Variants in SORCS3 observed in about 807,000 individuals in gnomAD.
SORCS3 encodes the protein sortilin related VPS10 domain containing receptor 3, also known as VPS10 domain-containing receptor SorCS3.
Under a neutral mutation model 146.3 loss-of-function variants are expected in SORCS3, and 57 were observed. The observed-to-expected ratio is 0.39, with a 90% CI of 0.31 to 0.49. SORCS3 has a LOEUF of 0.49. SORCS3 is among the 20% of genes least tolerant of loss of function. The pLI is 0.92. For synonymous variants in SORCS3, 653 were observed against 618.5 expected (o/e 1.06, Z -0.83); for missense variants, 1,341 against 1,575.5 (o/e 0.85, Z 2.52).
chr10:104,790,590 T>G (rs535359920), intron 1 of SORCS3, among the ~76,000 whole-genome samples: 2 of 152,346 alleles, frequency 1.3e-5, no homozygotes, highest in Non-Finnish European at 2.9e-5. Flanking sequence ...TCTGTTGCAT[T>G]GTTTGTCTCT....
intron 3 of SORCS3, among the ~76,000 whole-genome samples, chr10:104,965,488 C>G (rs1211064808): frequency 6.6e-6 from 1 of 152,206 alleles, no homozygotes; most frequent in Non-Finnish European, 1.5e-5. Flanking sequence ...ATTTGTTGAA[C>G]CACCATACTG....
intron 1 of SORCS3, among the ~76,000 whole-genome samples, chr10:104,720,907 T>G (rs542157708): frequency 6.6e-6 from 1 of 152,288 alleles, no homozygotes; most frequent in African/African-American, 2.4e-5. Context: ...TTGCAAAAAT[T>G]TTCTCCCACT....
At chr10:105,259,255 C>T (rs193187245) in intron 25 of SORCS3, among the ~76,000 whole-genome samples, 17 of 152,328 alleles carry the variant, frequency 1.1e-4, no homozygotes, top group Non-Finnish European at 2.1e-4. Flanking sequence ...ACAGCAACAC[C>T]TGGCCATTAA....
intron 4 of SORCS3, among the ~76,000 whole-genome samples, chr10:105,024,549 G>A (rs189301218): frequency 7.0e-4 from 106 of 152,280 alleles, no homozygotes; most frequent in Non-Finnish European, 1.4e-3. Context: ...TGGAGAAGAG[G>A]AGATCAGATC....
chr10:104,944,295 T>G (rs2019348075), intron 3 of SORCS3, among the ~76,000 whole-genome samples: 1 of 152,222 alleles, frequency 6.6e-6, no homozygotes, highest in Admixed American at 6.5e-5. Flanking sequence ...TCTTCATGAC[T>G]TCTGTATGGG....
chr10:105,006,900 T>C (rs1209947710), intron 4 of SORCS3, among the ~76,000 whole-genome samples: 1 of 152,242 alleles, frequency 6.6e-6, no homozygotes, highest in Admixed American at 6.5e-5. Flanking sequence ...TTCAGCATGT[T>C]AATTCTTATC....
chr10:104,642,831 A>G (rs1357908046), intron 1 of SORCS3, among the ~76,000 whole-genome samples: 1 of 152,142 alleles, frequency 6.6e-6, no homozygotes, highest in Admixed American at 6.5e-5. Flanking sequence ...TCTCCTGGAC[A>G]AGGATGTACC....
chr10:104,722,560 C>A (rs1006083277), intron 1 of SORCS3, among the ~76,000 whole-genome samples: 12 of 152,162 alleles, frequency 7.9e-5, no homozygotes, highest in Non-Finnish European at 5.9e-5. Flanking sequence ...ATGGTACCAG[C>A]CCCTCCTTGT....
chr10:105,006,633 T>C (rs769083811), intron 4 of SORCS3, among the ~76,000 whole-genome samples: 22 of 152,168 alleles, frequency 1.4e-4, no homozygotes, highest in Non-Finnish European at 3.1e-4. Flanking sequence ...CCATTGCCAC[T>C]TCTCTGGCCT....
intron 1 of SORCS3, among the ~76,000 whole-genome samples, chr10:104,841,369 C>T (rs1481454109): frequency 1.3e-5 from 2 of 152,094 alleles, no homozygotes; most frequent in African/African-American, 4.8e-5. Context: ...TTGATTTGTG[C>T]TGTGGTAGGT....
chr10:105,216,349 A>C (rs1444202121), intron 18 of SORCS3, among the ~76,000 whole-genome samples: 2 of 152,106 alleles, frequency 1.3e-5, no homozygotes, highest in Non-Finnish European at 2.9e-5. Flanking sequence ...CATAGCAAAT[A>C]CTCAAAATAG....
At chr10:104,863,874 A>C (rs2018432349) in intron 2 of SORCS3, among the ~76,000 whole-genome samples, 1 of 152,214 alleles carries the variant, frequency 6.6e-6, no homozygotes, top group South Asian at 2.1e-4. Flanking sequence ...CCAGCAGATG[A>C]CTGAGAATGG....
intron 24 of SORCS3, 37 bp from the exon 25 acceptor site, chr10:105,256,782 A>G (rs772252799): frequency 2.0e-6 from 3 of 1,509,624 alleles, no homozygotes; most frequent in Admixed American, 3.4e-5. Context: ...CCAAGTGAGC[A>G]TATCTGTTCT....
At chr10:105,205,797 T>A (rs1171530820) in intron 16 of SORCS3, among the ~76,000 whole-genome samples, 1 of 152,218 alleles carries the variant, frequency 6.6e-6, no homozygotes, top group African/African-American at 2.4e-5. Context: ...ATTATCTTAA[T>A]CTTCTCAATG....
At chr10:104,933,955 T>G (rs1027176584) in intron 3 of SORCS3, among the ~76,000 whole-genome samples, 4 of 152,118 alleles carry the variant, frequency 2.6e-5, no homozygotes, top group African/African-American at 9.7e-5. Flanking sequence ...CCACCATGCC[T>G]GGCTAATTTT....
At chr10:105,044,746 T>C (rs1356570501) in intron 5 of SORCS3, among the ~76,000 whole-genome samples, 2 of 151,622 alleles carry the variant, frequency 1.3e-5, no homozygotes, top group African/African-American at 4.8e-5. Context: ...TTCGGAGTAG[T>C]TGTGAGAGAA....
chr10:105,168,070 G>T (rs1208672351), intron 13 of SORCS3, among the ~76,000 whole-genome samples: 1 of 152,000 alleles, frequency 6.6e-6, no homozygotes, highest in Non-Finnish European at 1.5e-5. Context: ...AGTCAGTTAT[G>T]GAATAAAAAA....
At chr10:104,655,863 C>G (rs959896233) in intron 1 of SORCS3, among the ~76,000 whole-genome samples, 4 of 152,152 alleles carry the variant, frequency 2.6e-5, no homozygotes, top group Admixed American at 6.5e-5. Flanking sequence ...CTGAGGTCTC[C>G]CCAGAAGCAG....
intron 2 of SORCS3, among the ~76,000 whole-genome samples, chr10:104,910,513 C>T (rs930847218): frequency 6.6e-6 from 1 of 152,116 alleles, no homozygotes; most frequent in South Asian, 2.1e-4. Flanking sequence ...GAATGAATGA[C>T]CACTAGGTAT....
Sources: gnomAD v4.1 joint callset for allele counts (sites outside exome capture counted in the v4.1 genomes callset) on GRCh38, gnomAD v4.1.1 for gene constraint, MANE v1.5 for transcripts, NCBI Gene and HGNC (gene_info 2026-07-23, HGNC 2026-07-21) for gene names.